The following ARFGAP1 variants were observed in gnomAD, a reference collection of about 807,000 sequenced individuals.
The protein encoded by ARFGAP1 is ARF GTPase activating protein 1.
A neutral mutation model predicts 54.0 loss-of-function variants in ARFGAP1; 26 were observed. That is an observed-to-expected ratio of 0.48 (90% CI 0.35 to 0.67). The LOEUF (loss-of-function observed/expected upper bound fraction) is 0.67, where lower values mean the gene tolerates loss of function less well. Ranked by LOEUF, ARFGAP1 falls within the 30% of genes least tolerant of loss-of-function variation. The pLI is 0.00. For missense variants in ARFGAP1, 525 were observed against 535.8 expected (o/e 0.98, Z 0.20); for synonymous variants, 248 against 211.9 (o/e 1.17, Z -1.48).
At position 63,278,194 on chromosome 20, in the gene ARFGAP1, C is replaced by T. The variant is rs1312552048; in HGVS notation, c.521C>T (p.Ser174Phe). Residue 174 changes from serine (S) to phenylalanine (F), a missense_variant, in exon 6 of 13, where the codon TCC becomes TTC. Around this residue, in one of 3 missense-constraint regions of ARFGAP1, gnomAD observed 466 missense variants for 453.6 expected, o/e 1.03. Transcript: ENST00000370283. ...GACTGGCTGAATGATGACCTCGGCTCCTATCAAGGGTAAGGACTTGAGAGC... is the reference window on the plus strand; with the variant it reads ...GACTGGCTGAATGATGACCTCGGCTTCTATCAAGGGTAAGGACTTGAGAGC... ...FEDWLNDDLG[S>F]YQGAQGNRYV... is the part of the protein sequence containing the mutation. The T allele has an allele frequency of 3.1e-6, 5 of 1,613,364 alleles. No homozygotes were observed. The highest frequency in any genetic ancestry group is 1.3e-5 in the African/African-American group (1 of 75,066).
chr20:63,277,125 G>A (rs2067254820), intron 4 of ARFGAP1, 80 bp from the exon 5 acceptor site: 4 of 1,270,276 alleles, frequency 3.1e-6, no homozygotes, highest in Admixed American at 4.1e-5. Context: ...CGGGCCGTGG[G>A]GGGTGCGCTG....
chr20:63,283,380 T>C (rs1325354429), intron 9 of ARFGAP1: 1 of 198,240 alleles, frequency 5.0e-6, no homozygotes, highest in Admixed American at 5.6e-5. Flanking sequence ...AGGGCTGTGA[T>C]CTGGCTGTCC....
At chr20:63,284,011 T>C in intron 9 of ARFGAP1, 1 of 1,501,644 alleles carries the variant, frequency 6.7e-7, no homozygotes. Context: ...ACCCTCTCCC[T>C]GGCCTCGGTC....
chr20:63,284,101 TC>T (rs1344596341), intron 9 of ARFGAP1: 2 of 1,315,356 alleles, frequency 1.5e-6, no homozygotes, highest in Non-Finnish European at 9.7e-7. Flanking sequence ...ACCACTGCGC[TC>T]CCCCCGGGCA....
At chr20:63,283,846 T>G (rs1165972233) in intron 9 of ARFGAP1, 1 of 1,613,376 alleles carries the variant, frequency 6.2e-7, no homozygotes, top group African/African-American at 1.3e-5. Context: ...TGCTGTCGGG[T>G]AAAGTTTTGG....
intron 1 of ARFGAP1, 97 bp from the exon 2 acceptor site, chr20:63,275,480 G>C: frequency 2.5e-6 from 3 of 1,217,210 alleles, no homozygotes; most frequent in Admixed American, 2.0e-5. Flanking sequence ...TTGCCCCTCA[G>C]GTTTTCTGTT....
Position 63,289,147 on chromosome 20 carries a change from T to C in ARFGAP1, c.*1274T>C, listed in dbSNP as rs1379897341. ...CTTGGTAGCTGGTGTGGAGGGCCGG[T>C]GTCCTTGGCTGCCACGGAGGGATTT... is the stretch of plus-strand genomic sequence containing the variant. On this transcript the variant is annotated 3_prime_UTR_variant, in exon 13 of 13. Coordinates refer to ENST00000370283, the MANE Select transcript of ARFGAP1 (RefSeq NM_018209.4). The C allele has an allele frequency of 2.0e-5, 3 of 153,256 alleles. No homozygotes were observed. Among genetic ancestry groups the C allele is most frequent in the Non-Finnish European group, 4.4e-5 (3 of 68,864 alleles). 9.5% of individuals were successfully genotyped at this position (153,256 alleles called of 1,614,324 possible).
chr20:63,283,871 G>C (rs1014280434), intron 9 of ARFGAP1: 1 of 1,613,742 alleles, frequency 6.2e-7, no homozygotes, highest in South Asian at 1.1e-5. Flanking sequence ...ACAAGCAGCA[G>C]CCGGAGCCGG....
rs886726040 is a variant in ARFGAP1 at position 63,287,879 on chromosome 20, A to G, written c.*6A>G. 2.0e-6 allele frequency: 3 copies of G among 1,517,136 alleles called. No individual in the cohort carries two copies. Among genetic ancestry groups the G allele is most frequent in the African/African-American group, 1.4e-5 (1 of 72,506 alleles). The allele number at this position is 1,517,136 out of a possible 1,614,324, so 94.0% of individuals were successfully genotyped here. ...GGGACAACCAGAACTGGTAGGGCCC[A>G]CTGCGCCCCCGTCCCCAGCGCCCCC... On this transcript the variant is annotated 3_prime_UTR_variant, in exon 13 of 13. Coordinates refer to ENST00000370283, the MANE Select transcript of ARFGAP1 (RefSeq NM_018209.4).
intron 11 of ARFGAP1, chr20:63,286,108 C>T (rs566653004): frequency 6.5e-7 from 1 of 1,549,296 alleles, no homozygotes; most frequent in Non-Finnish European, 8.7e-7. Flanking sequence ...CCTCGCTCCT[C>T]CCCCCCAAGC....
intron 9 of ARFGAP1, chr20:63,284,198 C>G: frequency 7.8e-7 from 1 of 1,281,378 alleles, no homozygotes; most frequent in South Asian, 2.2e-5. Context: ...GGCGGGGGCA[C>G]TGGGCGCAGA....
At position 63,285,633 on chromosome 20, in the gene ARFGAP1, C is replaced by T. The variant is rs1461928059; in HGVS notation, c.775-21C>T. ...TTCATCTCTCCCGCCCCCATTAATG[C>T]CGCTGTCTTCATCCGTGCAGGTGAA... On this transcript the variant is annotated intron_variant, in intron 10 of 12. Transcript: ENST00000370283. 3.1e-6 allele frequency: 5 copies of T among 1,612,648 alleles called. No individual in the cohort carries two copies. The African/African-American group carries it at 6.7e-5, about 22-fold the overall frequency.
At chr20:63,283,758 G>A (rs530532182) in intron 9 of ARFGAP1, 13 of 1,423,818 alleles carry the variant, frequency 9.1e-6, no homozygotes, top group East Asian at 4.7e-5. Context: ...TTAGTGTTGC[G>A]GCACCCCATG....
chr20:63,277,885 G>A (rs1284704685), intron 5 of ARFGAP1, among the ~76,000 whole-genome samples: 2 of 152,222 alleles, frequency 1.3e-5, no homozygotes, highest in East Asian at 3.9e-4. Context: ...CAGGGAGAGT[G>A]CAGAGCCCAC....
intron 11 of ARFGAP1, 168 bp from the exon 12 acceptor site, chr20:63,286,198 G>T: frequency 6.5e-7 from 1 of 1,549,410 alleles, no homozygotes; most frequent in Non-Finnish European, 8.7e-7. Context: ...CCGCTGCAGA[G>T]TGGCCGGGGC....
At chr20:63,277,148 C>T (rs1283776800) in intron 4 of ARFGAP1, 57 bp from the exon 5 acceptor site, 36 of 1,498,838 alleles carry the variant, frequency 2.4e-5, no homozygotes, top group Non-Finnish European at 2.2e-5. Context: ...GTCGACGGTG[C>T]CCGAGGGCAT....
At chr20:63,281,739 C>T (rs1012492873) in intron 8 of ARFGAP1, among the ~76,000 whole-genome samples, 3 of 152,304 alleles carry the variant, frequency 2.0e-5, no homozygotes, top group Non-Finnish European at 2.9e-5. Context: ...TTCTCTCTTT[C>T]GCCTGCTCCT....
chr20:63,287,122 C>T (rs2067577866), intron 12 of ARFGAP1, among the ~76,000 whole-genome samples: 1 of 152,270 alleles, frequency 6.6e-6, no homozygotes, highest in South Asian at 2.1e-4. Flanking sequence ...TCCCTTCTCT[C>T]CCTCTGTGTA....
At chr20:63,279,193 C>T (rs1399276925) in intron 7 of ARFGAP1, 198 bp downstream of exon 7, 1 of 662,228 alleles carries the variant, frequency 1.5e-6, no homozygotes, top group Non-Finnish European at 2.7e-6. Context: ...TGTATTCAAT[C>T]ACTTCCTTTT....
Sources: allele counts gnomAD v4.1 joint callset (sites outside exome capture counted in the v4.1 genomes callset), GRCh38; gene constraint gnomAD v4.1.1; regional missense constraint gnomAD v4.1.1; transcripts MANE v1.5; gene names NCBI Gene and HGNC (gene_info 2026-07-23, HGNC 2026-07-21).